The following PTPRD variants were observed in gnomAD, a reference collection of about 807,000 sequenced individuals.
PTPRD encodes protein tyrosine phosphatase receptor type D.
In PTPRD, 34 loss-of-function variants were observed where a neutral mutation model predicts 214.5. That is an observed-to-expected ratio of 0.16 (90% CI 0.12 to 0.21). The LOEUF is 0.21. Ranked by LOEUF, PTPRD falls within the 10% of genes least tolerant of loss-of-function variation. The probability of loss-of-function intolerance (pLI) is 1.00; values close to 1 mark genes in which losing one functional copy is unlikely to be tolerated. For missense variants in PTPRD, 2,545 were observed against 2,398.7 expected (o/e 1.06, Z -1.27); for synonymous variants, 1,128 against 845.7 (o/e 1.33, Z -5.79).
intron 5 of PTPRD, among the ~76,000 whole-genome samples, chr9:9,780,124 G>A (rs1328576050): frequency 1.3e-5 from 2 of 152,184 alleles, no homozygotes; most frequent in African/African-American, 4.8e-5. Flanking sequence ...TATGGATGGA[G>A]CTGGAGACCA....
intron 3 of PTPRD, among the ~76,000 whole-genome samples, chr9:10,221,859 A>G (rs2099572348): frequency 6.6e-6 from 1 of 152,008 alleles, no homozygotes; most frequent in South Asian, 2.1e-4. Context: ...AACATTGAGT[A>G]GTAGACCATA....
intron 10 of PTPRD, among the ~76,000 whole-genome samples, chr9:9,127,357 C>G (rs984638370): frequency 2.6e-5 from 4 of 152,132 alleles, no homozygotes; most frequent in African/African-American, 9.7e-5. Flanking sequence ...GTTAGTTAAC[C>G]TCATAACAAA....
chr9:8,348,263 G>A (rs1046511330), intron 39 of PTPRD, among the ~76,000 whole-genome samples: 2 of 152,068 alleles, frequency 1.3e-5, no homozygotes, highest in Non-Finnish European at 2.9e-5. Flanking sequence ...TTCTGACATG[G>A]CTCATCTATT....
intron 5 of PTPRD, among the ~76,000 whole-genome samples, chr9:9,779,078 CAA>C (rs869120926): frequency 2.2e-4 from 10 of 45,480 alleles, no homozygotes; most frequent in Non-Finnish European, 4.0e-4. Context: ...ATAAGACTGA[CAA>C]AAAAAAAAAA....
intron 7 of PTPRD, among the ~76,000 whole-genome samples, chr9:9,655,374 A>G (rs2096483645): frequency 6.6e-6 from 1 of 152,124 alleles, no homozygotes; most frequent in South Asian, 2.1e-4. Context: ...GTTCAAGACT[A>G]TTCTGACCAA....
chr9:10,427,881 T>A (rs960165642), intron 2 of PTPRD, among the ~76,000 whole-genome samples: 1 of 152,118 alleles, frequency 6.6e-6, no homozygotes, highest in African/African-American at 2.4e-5. Context: ...TATTTTTTAA[T>A]AAAAATGGAG....
chr9:9,522,052 G>A (rs1418130974), intron 8 of PTPRD, among the ~76,000 whole-genome samples: 2 of 151,502 alleles, frequency 1.3e-5, no homozygotes, highest in African/African-American at 4.9e-5. Flanking sequence ...AGCTACTCGG[G>A]AGGCTGAGGC....
At chr9:8,728,477 C>T (rs140999260) in intron 12 of PTPRD, among the ~76,000 whole-genome samples, 330 of 152,260 alleles carry the variant, frequency 2.2e-3, no homozygotes, top group South Asian at 4.6e-3. Context: ...GAATTACAGG[C>T]GTGAGCCACC....
intron 2 of PTPRD, among the ~76,000 whole-genome samples, chr9:10,343,119 C>T (rs902817413): frequency 1.3e-5 from 2 of 151,906 alleles, no homozygotes; most frequent in South Asian, 2.1e-4. Context: ...TAATGCTATC[C>T]CTCCCCCAGC....
chr9:8,337,404 AACACACGG>A (rs1402140365), intron 43 of PTPRD, among the ~76,000 whole-genome samples: 1 of 152,018 alleles, frequency 6.6e-6, no homozygotes, highest in Non-Finnish European at 1.5e-5. Context: ...GAACAATGAG[AACACACGG>A]ACACACGGAG....
intron 5 of PTPRD, among the ~76,000 whole-genome samples, chr9:9,816,503 T>A (rs1329912071): frequency 6.6e-6 from 1 of 152,032 alleles, no homozygotes; most frequent in Non-Finnish European, 1.5e-5. Context: ...AATAATATAT[T>A]TGAATATTTG....
chr9:9,788,355 T>A (rs1405605522), intron 5 of PTPRD, among the ~76,000 whole-genome samples: 1 of 150,356 alleles, frequency 6.7e-6, no homozygotes, highest in Non-Finnish European at 1.5e-5. Context: ...ATCGAGACCA[T>A]CCTGACTAAC....
Position 8,317,208 on chromosome 9 carries a change from T to C in PTPRD, c.*666A>G, listed in dbSNP as rs989652935. On this transcript the variant is annotated 3_prime_UTR_variant, in exon 46 of 46. Transcript: ENST00000381196. The stretch of plus-strand genomic sequence containing the variant: ...TATTTCTACAGCAAGATATTACAGA[T>C]AACAGTTCTACAGCTTAAAAAAACC... 4.3e-6 allele frequency: 1 copy of C among 231,720 alleles called. No individual in the cohort carries two copies. The highest frequency in any genetic ancestry group is 8.5e-6 in the Non-Finnish European group (1 of 117,010). The allele number at this position is 231,720 out of a possible 1,614,324, so 14.4% of individuals were successfully genotyped here. A position where few individuals can be genotyped will look rare whatever the true frequency, so the allele number is the denominator to read the frequency against.
chr9:10,030,906 T>C (rs534789528), intron 4 of PTPRD, among the ~76,000 whole-genome samples: 1 of 152,340 alleles, frequency 6.6e-6, no homozygotes, highest in African/African-American at 2.4e-5. Flanking sequence ...CATTGTGTTC[T>C]GGGAAAGTAG....
chr9:10,586,648 A>C (rs1224798992), intron 2 of PTPRD, among the ~76,000 whole-genome samples: 3 of 152,224 alleles, frequency 2.0e-5, no homozygotes, highest in African/African-American at 7.2e-5. Flanking sequence ...CTTTCTCAGA[A>C]AGTAAAATGA....
intron 11 of PTPRD, among the ~76,000 whole-genome samples, chr9:8,983,860 G>C (rs895417411): frequency 6.6e-6 from 1 of 151,730 alleles, no homozygotes; most frequent in East Asian, 1.9e-4. Context: ...ATCTAATCTA[G>C]GTATTATCAT....
chr9:10,232,814 C>T (rs556157022), intron 3 of PTPRD, among the ~76,000 whole-genome samples: 1 of 151,962 alleles, frequency 6.6e-6, no homozygotes, highest in African/African-American at 2.4e-5. Flanking sequence ...AAACTCAACT[C>T]ACACAAAACA....
chr9:8,397,439 G>A (rs140475578), intron 36 of PTPRD, among the ~76,000 whole-genome samples: 42 of 152,202 alleles, frequency 2.8e-4, no homozygotes, highest in Non-Finnish European at 5.7e-4. Flanking sequence ...TGGATAGACT[G>A]TATTAACATA....
In PTPRD at chr9:10,201,103, G is replaced by A. The variant is rs997139701; in HGVS notation, c.-545+139860C>T. On this transcript the variant is annotated intron_variant, in intron 3 of 45. Transcript: ENST00000381196. Reference sequence around the variant, plus strand: ...ATGTTTGGAGTTATAAAAATGGTACGGAAAATGGCACATCTGACTCTTGCT... The same window carrying A: ...ATGTTTGGAGTTATAAAAATGGTACAGAAAATGGCACATCTGACTCTTGCT... Among the ~76,000 whole-genome samples the A allele has an allele frequency of 7.2e-5, 11 of 152,002 alleles. No individual in the cohort carries two copies. The South Asian group carries it at 8.3e-4, about 11-fold the overall frequency.
Sources: allele counts gnomAD v4.1 joint callset (sites outside exome capture counted in the v4.1 genomes callset), GRCh38; gene constraint gnomAD v4.1.1; transcripts MANE v1.5; gene names NCBI Gene and HGNC (gene_info 2026-07-23, HGNC 2026-07-21).